DNAJA3: variants seen among roughly 807,000 people sequenced by gnomAD.
The protein encoded by DNAJA3 is DnaJ heat shock protein family (Hsp40) member A3, also known as dnaJ homolog subfamily A member 3, mitochondrial.
A neutral mutation model predicts 54.9 loss-of-function variants in DNAJA3; 29 were observed. The observed-to-expected ratio is 0.53, with a 90% CI of 0.39 to 0.72. DNAJA3 has a LOEUF of 0.72. Among genes scored for constraint, DNAJA3 ranks in the 30% least tolerant of loss-of-function variants. DNAJA3 has a pLI of 0.00. For synonymous variants in DNAJA3, 302 were observed against 251.4 expected, an observed-to-expected ratio of 1.20 and a Z score of -1.90; for missense variants, 708 against 639.4, an observed-to-expected ratio of 1.11 and a Z score of -1.16.
intron 9 of DNAJA3, among the ~76,000 whole-genome samples, chr16:4,449,262 T>C (rs748045622): frequency 6.6e-6 from 1 of 151,784 alleles, no homozygotes; most frequent in Non-Finnish European, 1.5e-5. Context: ...TCCCAAAGTG[T>C]TGGGATTACA....
chr16:4,455,028 T>C (rs1417409801), intron 11 of DNAJA3, 101 bp downstream of exon 11: 1 of 798,052 alleles, frequency 1.3e-6, no homozygotes, highest in Non-Finnish European at 2.1e-6. Context: ...CCCCCAGGAG[T>C]TGGAACAGGT....
At chr16:4,437,562 C>CCCAGGT in intron 3 of DNAJA3, 77 bp downstream of exon 3, 1 of 1,205,310 alleles carries the variant, frequency 8.3e-7, no homozygotes, top group Non-Finnish European at 1.2e-6. Flanking sequence ...CTACCTGGGA[C>CCCAGGT]AGCCTGGTGT....
chr16:4,454,181 G>C (rs1359755317), intron 10 of DNAJA3, among the ~76,000 whole-genome samples: 1 of 152,188 alleles, frequency 6.6e-6, no homozygotes, highest in Non-Finnish European at 1.5e-5. Context: ...GATTGTGCGT[G>C]GCCGTGACTC....
At position 4,455,605 on chromosome 16, in the gene DNAJA3, C is replaced by T. The variant is rs538746900; in HGVS notation, c.*73C>T. 7.5e-4 allele frequency: 1,164 copies of T among 1,551,496 alleles called. 1 individual carries two copies. The highest frequency in any genetic ancestry group is 1.1e-3 in the South Asian group (92 of 84,052). On this transcript the variant is annotated 3_prime_UTR_variant, in exon 12 of 12. Coordinates refer to ENST00000262375, the MANE Select transcript of DNAJA3 (RefSeq NM_005147.6). ...GCAGCCCCTCCAAGGGCCAGGGCACCTGGGAGACGGGAGGATTCCAGAACA... is the reference window on the plus strand; with the variant it reads ...GCAGCCCCTCCAAGGGCCAGGGCACTTGGGAGACGGGAGGATTCCAGAACA...
intron 9 of DNAJA3, 138 bp downstream of exon 9, chr16:4,448,986 A>C (rs769956301): frequency 4.8e-6 from 3 of 631,038 alleles, no homozygotes; most frequent in Non-Finnish European, 8.4e-6. Context: ...TAAAGTGGAC[A>C]TAGTAGAATG....
At chr16:4,447,756 C>G (rs1314560187) in intron 8 of DNAJA3, 1 of 152,234 alleles carries the variant, frequency 6.6e-6, no homozygotes, top group Admixed American at 6.5e-5. Context: ...GCAGACCCAA[C>G]TTAGCTCATT....
chr16:4,426,165 C>T, intron 1 of DNAJA3, 73 bp downstream of exon 1: 2 of 1,405,974 alleles, frequency 1.4e-6, no homozygotes, highest in Non-Finnish European at 1.9e-6. Flanking sequence ...GCTGTGACTA[C>T]GGCTGCAGGG....
rs752967786 is a variant in DNAJA3 at position 4,442,273 on chromosome 16, C to A, written c.636C>A (p.Phe212Leu). ...CTGTCCCTTGGTTTCTTTAGTACTT[C>A]ATGGAGTTGACATTCAATCAAGCTG... ...QTVFDQPQEY[F>L]MELTFNQAAK... Residue 212 changes from phenylalanine to leucine, a missense_variant, in exon 5 of 12, where the codon TTC becomes TTA. Physicochemically the swap from Phe to Leu is conservative, Grantham distance 22. Coordinates refer to ENST00000262375, the MANE Select transcript of DNAJA3 (RefSeq NM_005147.6). The A allele has an allele frequency of 6.3e-7, 1 of 1,590,124 alleles. No individual in the cohort carries two copies. Among genetic ancestry groups the A allele is most frequent in the Non-Finnish European group, 8.6e-7 (1 of 1,166,738 alleles).
chr16:4,442,636 C>A, intron 5 of DNAJA3: 1 of 548,012 alleles, frequency 1.8e-6, no homozygotes, highest in Non-Finnish European at 3.1e-6. Flanking sequence ...GCTCCGGGGG[C>A]GGGGCGGGGG....
At chr16:4,429,540 A>G (rs960209272) in intron 1 of DNAJA3, among the ~76,000 whole-genome samples, 13 of 151,372 alleles carry the variant, frequency 8.6e-5, no homozygotes, top group African/African-American at 2.2e-4. Flanking sequence ...ATTTTTAAAA[A>G]TTAGCTGACT....
Position 4,450,440 on chromosome 16 carries a change from G to A in DNAJA3, c.1282G>A (p.Ala428Thr), listed in dbSNP as rs1465356499. 9.3e-6 allele frequency: 15 copies of A among 1,612,158 alleles called. No individual in the cohort carries two copies. The highest frequency in any genetic ancestry group is 1.2e-5 in the Non-Finnish European group (14 of 1,179,418). Residue 428 changes from alanine to threonine, a missense_variant, in exon 10 of 12, where the codon GCC (alanine) becomes ACC (threonine). Coordinates refer to ENST00000262375, the MANE Select transcript of DNAJA3 (RefSeq NM_005147.6). Reference sequence around the variant, plus strand: ...GCAGCAGAGCCTGATCCTGAGCTACGCCGAGGACGAGACAGATGTGGAGGG... The same window carrying A: ...GCAGCAGAGCCTGATCCTGAGCTACACCGAGGACGAGACAGATGTGGAGGG... ...SRQQSLILSY[A>T]EDETDVEGTV...
chr16:4,434,018 C>T (rs538958724), intron 1 of DNAJA3: 2 of 268,822 alleles, frequency 7.4e-6, no homozygotes, highest in Non-Finnish European at 1.4e-5. Context: ...CAGTTCAGCA[C>T]GGCTGGGGAG....
Position 4,443,083 on chromosome 16 carries a change from A to G in DNAJA3, c.850A>G (p.Ile284Val), listed in dbSNP as rs762293645. ...TAGGAGATGTGGTGGCCGCGGCTCC[A>G]TCATCATATCGCCCTGTGTGGTCTG... ...TCRRCGGRGS[I>V]IISPCVVCRG... The change falls in exon 6 of 12, where the codon ATC becomes GTC. Residue 284 changes from isoleucine (I) to valine (V), a missense_variant. Ile to Val is a conservative substitution (Grantham distance 29). Coordinates refer to ENST00000262375, the MANE Select transcript of DNAJA3 (RefSeq NM_005147.6). 70 of 1,613,752 alleles carry G rather than the reference A, an allele frequency of 4.3e-5. No individual in the cohort carries two copies. Among genetic ancestry groups the G allele is most frequent in the Non-Finnish European group, 5.8e-5 (68 of 1,179,960 alleles).
intron 1 of DNAJA3, chr16:4,426,858 T>G (rs1275541567): frequency 1.3e-5 from 2 of 152,224 alleles, no homozygotes; most frequent in East Asian, 3.8e-4. Flanking sequence ...TATCATTGCC[T>G]GAGATGACAC....
At chr16:4,444,455 T>G (rs879601570) in intron 6 of DNAJA3, among the ~76,000 whole-genome samples, 13 of 152,140 alleles carry the variant, frequency 8.5e-5, no homozygotes, top group Admixed American at 7.2e-4. Flanking sequence ...GCGATTCTCT[T>G]TCCTCAGCCT....
chr16:4,429,834 C>CA (rs113915084), intron 1 of DNAJA3, among the ~76,000 whole-genome samples: 79 of 140,520 alleles, frequency 5.6e-4, no homozygotes, highest in Admixed American at 1.2e-3. Flanking sequence ...AACTGTGTCT[C>CA]AAAAAAAAAA....
rs373010671 is a variant in DNAJA3, at chr16:4,455,559, T to C, written c.*27T>C. The C allele has an allele frequency of 6.4e-6, 10 of 1,551,568 alleles. 1 individual carries two copies. Among genetic ancestry groups the C allele is most frequent in the African/African-American group, 2.7e-5 (2 of 73,008 alleles). On this transcript the variant is annotated 3_prime_UTR_variant, in exon 12 of 12. Coordinates refer to ENST00000262375, the MANE Select transcript of DNAJA3 (RefSeq NM_005147.6). ...TCTTTGGCTCAGGAAAAAGATCCAC[T>C]GGAAACTAGGCCGGGAAGCAGCAGC...
intron 1 of DNAJA3, among the ~76,000 whole-genome samples, 170 bp downstream of exon 1, chr16:4,426,262 C>T (rs2056620994): frequency 6.6e-6 from 1 of 152,186 alleles, no homozygotes; most frequent in Admixed American, 6.5e-5. Flanking sequence ...CCAGTGGCTG[C>T]TCAGCCGTCA....
intron 3 of DNAJA3, among the ~76,000 whole-genome samples, chr16:4,438,263 G>A (rs1250027374): frequency 6.6e-6 from 1 of 151,836 alleles, no homozygotes; most frequent in East Asian, 1.9e-4. Context: ...CTTGCAGTGA[G>A]CTGAGATTGC....
Sources: allele counts gnomAD v4.1 joint callset (sites outside exome capture counted in the v4.1 genomes callset), GRCh38; gene constraint gnomAD v4.1.1; transcripts MANE v1.5; gene names NCBI Gene and HGNC (gene_info 2026-07-23, HGNC 2026-07-21).